The following PLD5 variants were observed in gnomAD, a reference collection of about 807,000 sequenced individuals.
PLD5 encodes phospholipase D family member 5.
PLD5 carries 36 observed loss-of-function variants against 61.1 expected under a neutral mutation model. That is an observed-to-expected ratio of 0.59 (90% CI 0.45 to 0.78). The LOEUF (loss-of-function observed/expected upper bound fraction) is 0.78, where lower values mean the gene tolerates loss of function less well. PLD5 is among the 30% of genes least tolerant of loss of function. The pLI is 0.00. For synonymous variants in PLD5, 243 were observed against 242.8 expected (o/e 1.00, Z -0.01); for missense variants, 515 against 644.4 (o/e 0.80, Z 2.17).
At chr1:242,523,317 G>C (rs1024668040) in intron 1 of PLD5, among the ~76,000 whole-genome samples, 2 of 151,868 alleles carry the variant, frequency 1.3e-5, no homozygotes, top group African/African-American at 4.8e-5. Context: ...TTGAAACTGT[G>C]GATCCACTAA....
chr1:242,215,193 ATCT>A (rs141301563), intron 5 of PLD5, among the ~76,000 whole-genome samples: 13,036 of 151,264 alleles, frequency 0.086, 746 homozygotes, highest in Non-Finnish European at 0.13. Flanking sequence ...CAGCCTATAC[ATCT>A]TCTTTTAACT....
At chr1:242,506,285 A>T (rs966967464) in intron 1 of PLD5, among the ~76,000 whole-genome samples, 10 of 152,184 alleles carry the variant, frequency 6.6e-5, no homozygotes, top group African/African-American at 2.2e-4. Context: ...GTTACATATT[A>T]TCTGTTCTCT....
At position 242,288,274 on chromosome 1, in the gene PLD5, T is replaced by C. The variant is rs911132554; in HGVS notation, c.495+88A>G. On this transcript the variant is annotated intron_variant, in intron 3 of 9. Coordinates refer to ENST00000536534, the MANE Select transcript of PLD5 (RefSeq NM_001372062.1). ...TGTGTGTAGACTAAAATAAATGAGC[T>C]TGAGTTTGAGGAGTGGAGGAGCAGA... 11 of 1,563,670 alleles carry C rather than the reference T, an allele frequency of 7.0e-6. No individual in the cohort carries two copies. The Admixed American group carries it at 1.9e-4, about 27-fold the overall frequency.
At chr1:242,480,653 T>C (rs947165551) in intron 1 of PLD5, among the ~76,000 whole-genome samples, 1 of 152,140 alleles carries the variant, frequency 6.6e-6, no homozygotes, top group Non-Finnish European at 1.5e-5. Context: ...ATATTAATAA[T>C]AAGACCAAGT....
intron 1 of PLD5, among the ~76,000 whole-genome samples, chr1:242,491,221 C>G (rs1368015571): frequency 6.6e-6 from 1 of 152,160 alleles, no homozygotes; most frequent in Non-Finnish European, 1.5e-5. Context: ...TTAGACCTTT[C>G]GAGTCCACAT....
chr1:242,390,007 AAAT>A (rs758163688), intron 1 of PLD5, among the ~76,000 whole-genome samples: 2,435 of 111,836 alleles, frequency 0.022, 46 homozygotes, highest in African/African-American at 0.071. Context: ...ATAATGATAC[AAAT>A]AATAATAATA....
In PLD5 at chr1:242,089,715, T is replaced by C; in HGVS notation, c.*139A>G. On this transcript the variant is annotated 3_prime_UTR_variant, in exon 10 of 10. Transcript: ENST00000536534. Reference sequence around the variant, plus strand: ...CGCTAAGATATTGTTAGATAGGTATTATGTGTTGTTCAGAGAATATTTTTT... The same window carrying C: ...CGCTAAGATATTGTTAGATAGGTATCATGTGTTGTTCAGAGAATATTTTTT... 9.3e-7 allele frequency: 1 copy of C among 1,077,786 alleles called. No individual in the cohort carries two copies. The highest frequency in any genetic ancestry group is 1.4e-6 in the Non-Finnish European group (1 of 738,774). 66.8% of individuals were successfully genotyped at this position (1,077,786 alleles called of 1,614,324 possible).
intron 5 of PLD5, among the ~76,000 whole-genome samples, chr1:242,166,042 A>ATCTT (rs929294320): frequency 6.6e-6 from 1 of 152,154 alleles, no homozygotes; most frequent in African/African-American, 2.4e-5. Context: ...GTAAGTAAAA[A>ATCTT]TCTTTGAACT....
intron 1 of PLD5, among the ~76,000 whole-genome samples, chr1:242,390,869 G>A (rs751520576): frequency 1.4e-5 from 2 of 141,042 alleles, no homozygotes; most frequent in Non-Finnish European, 3.0e-5. Context: ...ACAAGCAAAG[G>A]ATGAAATTCA....
At chr1:242,345,036 G>C (rs1660049320) in intron 2 of PLD5, among the ~76,000 whole-genome samples, 1 of 152,130 alleles carries the variant, frequency 6.6e-6, no homozygotes, top group South Asian at 2.1e-4. Flanking sequence ...AATAGCACTG[G>C]AAAGATGGCC....
intron 5 of PLD5, among the ~76,000 whole-genome samples, chr1:242,146,352 G>T (rs960264448): frequency 6.6e-6 from 1 of 152,092 alleles, no homozygotes; most frequent in Non-Finnish European, 1.5e-5. Context: ...AATACAACCA[G>T]TAAGTAGCCT....
intron 5 of PLD5, among the ~76,000 whole-genome samples, chr1:242,213,620 C>G (rs972806370): frequency 6.6e-6 from 1 of 151,784 alleles, no homozygotes; most frequent in Non-Finnish European, 1.5e-5. Flanking sequence ...TTAGGCATTC[C>G]GACTTATAAG....
At chr1:242,472,898 T>C (rs563795698) in intron 1 of PLD5, among the ~76,000 whole-genome samples, 2 of 152,262 alleles carry the variant, frequency 1.3e-5, no homozygotes, top group South Asian at 4.1e-4. Flanking sequence ...GTAAAATCAT[T>C]TGAGTCTTAA....
chr1:242,262,794 G>A (rs1227703965), intron 4 of PLD5, among the ~76,000 whole-genome samples: 1 of 152,158 alleles, frequency 6.6e-6, no homozygotes, highest in Non-Finnish European at 1.5e-5. Context: ...GGGAAAGAAA[G>A]CATGTGAGCT....
intron 2 of PLD5, among the ~76,000 whole-genome samples, chr1:242,310,705 A>G (rs1289181181): frequency 1.3e-5 from 2 of 152,218 alleles, no homozygotes; most frequent in Admixed American, 1.3e-4. Flanking sequence ...AAATAACAGA[A>G]TTAAGGAAAT....
chr1:242,393,830 C>T (rs960428000), intron 1 of PLD5, among the ~76,000 whole-genome samples: 22 of 147,736 alleles, frequency 1.5e-4, no homozygotes, highest in African/African-American at 5.2e-4. Context: ...GAGGCCGAGG[C>T]GGGTGGATTA....
At chr1:242,373,818 G>A (rs1661791599) in intron 1 of PLD5, among the ~76,000 whole-genome samples, 1 of 151,980 alleles carries the variant, frequency 6.6e-6, no homozygotes, top group African/African-American at 2.4e-5. Flanking sequence ...GGGGAGGTGA[G>A]AGGGATAGCA....
At chr1:242,227,701 G>C (rs1287181593) in intron 4 of PLD5, among the ~76,000 whole-genome samples, 1 of 152,096 alleles carries the variant, frequency 6.6e-6, no homozygotes, top group Non-Finnish European at 1.5e-5. Flanking sequence ...ATATTACATG[G>C]GTAGGGCTAA....
intron 4 of PLD5, among the ~76,000 whole-genome samples, chr1:242,241,910 T>TTACTATATATATATATATATATATAC (rs1672055166): frequency 1.8e-4 from 9 of 50,400 alleles, no homozygotes; most frequent in African/African-American, 7.3e-4. Flanking sequence ...TATATATATA[T>TTACTATATATATATATATATATATAC]ACTTACTGTA....
Sources: allele counts gnomAD v4.1 joint callset (sites outside exome capture counted in the v4.1 genomes callset), GRCh38; gene constraint gnomAD v4.1.1; transcripts MANE v1.5; gene names NCBI Gene and HGNC (gene_info 2026-07-23, HGNC 2026-07-21).